Variants in PCGF6 observed in about 807,000 individuals in gnomAD.
PCGF6 encodes the protein polycomb group ring finger 6, also known as polycomb group RING finger protein 6.
Under a neutral mutation model 45.5 loss-of-function variants are expected in PCGF6, and 24 were observed. The ratio of observed to expected loss-of-function variants is 0.53; its 90% confidence interval spans 0.38 to 0.74. The LOEUF (loss-of-function observed/expected upper bound fraction) is 0.74, where lower values mean the gene tolerates loss of function less well. PCGF6 is among the 30% of genes least tolerant of loss of function. The pLI, the probability that PCGF6 is intolerant of heterozygous loss-of-function variation, is 0.00. For synonymous variants in PCGF6, 152 were observed against 162.1 expected (o/e 0.94, Z 0.47); for missense variants, 356 against 443.2 (o/e 0.80, Z 1.77).
rs574907468 is a variant in PCGF6 at position 103,346,392 on chromosome 10, G to A, written c.673+846C>T. Among the ~76,000 whole-genome samples, 4 of 152,080 alleles carry A rather than the reference G, an allele frequency of 2.6e-5. No homozygotes were observed. The South Asian group carries it at 6.2e-4, about 24-fold the overall frequency. ...TGTAATCCCAGCACTTTGGGAGGCC[G>A]AGGAGGGCAGATCACGAGGTCAAGA... On this transcript the variant is annotated intron_variant, in intron 5 of 9. Transcript: ENST00000369847.
At chr10:103,318,586 T>C (rs888198905) in intron 8 of PCGF6, among the ~76,000 whole-genome samples, 1 of 148,592 alleles carries the variant, frequency 6.7e-6, no homozygotes, top group Admixed American at 6.7e-5. Context: ...CTACCAAAAA[T>C]ACAAAAAAAT....
At chr10:103,304,671 T>TG (rs1444098023) in intron 9 of PCGF6, among the ~76,000 whole-genome samples, 1 of 150,690 alleles carries the variant, frequency 6.6e-6, no homozygotes, top group Non-Finnish European at 1.5e-5. Flanking sequence ...TTTTTTTTTT[T>TG]TGAAGACAGG....
chr10:103,310,133 G>T (rs1791126879), intron 9 of PCGF6, among the ~76,000 whole-genome samples: 1 of 151,698 alleles, frequency 6.6e-6, no homozygotes, highest in Admixed American at 6.6e-5. Context: ...TGTATTTTTA[G>T]TAGAGATGGG....
chr10:103,349,484 T>TG lies in PCGF6; in HGVS notation c.361-486_361-485insC, dbSNP rs1201167277. Among the ~76,000 whole-genome samples the TG allele has an allele frequency of 7.7e-5, 9 of 117,626 alleles. No homozygotes were observed. The East Asian group carries it at 2.5e-3, about 33-fold the overall frequency. 77.2% of individuals were successfully genotyped at this position (117,626 alleles called of 152,430 possible). On this transcript the variant is annotated intron_variant, in intron 1 of 9. Transcript: ENST00000369847. ...ATTATTGTTTCTTTCTTTCCGTTTT[T>TG]TTTTTTTTTTTTTTGAGAGGGAGTC...
rs1322913071 is a variant in PCGF6, at chr10:103,302,985, G to GT, written c.*919dup. 1.3e-5 allele frequency: 2 copies of GT among 152,584 alleles called. No individual in the cohort carries two copies. The highest frequency in any genetic ancestry group is 1.3e-4 in the Admixed American group (2 of 15,254). 9.5% of individuals were successfully genotyped at this position (152,584 alleles called of 1,614,324 possible). A position where few individuals can be genotyped will look rare whatever the true frequency, so the allele number is the denominator to read the frequency against. On this transcript the variant is annotated 3_prime_UTR_variant, in exon 10 of 10. Transcript: ENST00000369847. ...ACAATGCTAATTTTAGGCAAATAATGTTTTAAAACTGAAGTCTTTGCATGG... is the reference window on the plus strand; with the variant it reads ...ACAATGCTAATTTTAGGCAAATAATGTTTTTAAAACTGAAGTCTTTGCATGG...
intron 6 of PCGF6, among the ~76,000 whole-genome samples, chr10:103,336,895 T>C (rs1443244581): frequency 6.6e-6 from 1 of 152,076 alleles, no homozygotes; most frequent in Non-Finnish European, 1.5e-5. Flanking sequence ...AAAAAATTAC[T>C]TGCTTCCACT....
rs2093309141 is a variant in PCGF6 at position 103,348,822 on chromosome 10, A to T, written c.461-10T>A. The T allele has an allele frequency of 6.2e-7, 1 of 1,606,496 alleles. No homozygotes were observed. Among genetic ancestry groups the T allele is most frequent in the Non-Finnish European group, 8.5e-7 (1 of 1,176,348 alleles). On this transcript the variant is annotated splice_polypyrimidine_tract_variant and intron_variant, in intron 2 of 9. Coordinates refer to ENST00000369847, the MANE Select transcript of PCGF6 (RefSeq NM_001011663.2). ...ATGCAGCTTTTACAAACTGTTGAAAAAGAATGTTGAAGTCAGGATGCTTTC... is the reference window on the plus strand; with the variant it reads ...ATGCAGCTTTTACAAACTGTTGAAATAGAATGTTGAAGTCAGGATGCTTTC...
Position 103,305,667 on chromosome 10 carries a change from A to T in PCGF6, c.997-1706T>A, listed in dbSNP as rs1274475223. Among the ~76,000 whole-genome samples the T allele has an allele frequency of 7.2e-5, 11 of 152,320 alleles. No homozygotes were observed. In the East Asian group the frequency reaches 2.1e-3, roughly 29 times the overall value. ...GATCTGTTCACTTCCACATAAATGC[A>T]GCTCACCACTATAATAATTGCTAAA... is the stretch of plus-strand genomic sequence containing the variant. On this transcript the variant is annotated intron_variant, in intron 9 of 9. Coordinates refer to ENST00000369847, the MANE Select transcript of PCGF6 (RefSeq NM_001011663.2).
chr10:103,321,326 A>C (rs914091998), intron 8 of PCGF6, among the ~76,000 whole-genome samples: 3 of 152,176 alleles, frequency 2.0e-5, no homozygotes, highest in Non-Finnish European at 4.4e-5. Context: ...AAAAGCCTTA[A>C]ATTCTATGAT....
chr10:103,310,729 T>G (rs1429652096), intron 9 of PCGF6, among the ~76,000 whole-genome samples: 3 of 151,858 alleles, frequency 2.0e-5, no homozygotes, highest in African/African-American at 7.3e-5. Flanking sequence ...TGAAAAAGGG[T>G]CTTACTCTGT....
At chr10:103,337,248 T>C (rs1239877890) in intron 6 of PCGF6, among the ~76,000 whole-genome samples, 1 of 152,170 alleles carries the variant, frequency 6.6e-6, no homozygotes, top group African/African-American at 2.4e-5. Context: ...TAAAATGGCA[T>C]TAAATTTTTG....
intron 8 of PCGF6, among the ~76,000 whole-genome samples, chr10:103,326,180 G>A (rs1409464374): frequency 2.6e-5 from 4 of 151,296 alleles, no homozygotes; most frequent in South Asian, 2.1e-4. Context: ...GGCGGATCAC[G>A]AGGTCAGGAG....
At position 103,317,626 on chromosome 10, in the gene PCGF6, C is replaced by T. The variant is rs1025217054; in HGVS notation, c.910-3354G>A. ...TCCACCCCAAGCCTGGGCAACAAAA[C>T]GAAACCTCATCTCAAAATAAATAAA... On this transcript the variant is annotated intron_variant, in intron 8 of 9. Coordinates refer to ENST00000369847, the MANE Select transcript of PCGF6 (RefSeq NM_001011663.2). Among the ~76,000 whole-genome samples, 9 of 151,628 alleles carry T rather than the reference C, an allele frequency of 5.9e-5. No homozygotes were observed. In the South Asian group the frequency reaches 8.3e-4, roughly 14 times the overall value.
intron 6 of PCGF6, 149 bp from the exon 7 acceptor site, chr10:103,334,101 A>G (rs542800528): frequency 5.4e-6 from 3 of 559,270 alleles, no homozygotes; most frequent in Non-Finnish European, 8.6e-6. Flanking sequence ...AACAAATGTA[A>G]TTGTCATTTC....
intron 7 of PCGF6, 42 bp downstream of exon 7, chr10:103,333,881 TAC>T (rs780846963): frequency 3.0e-5 from 44 of 1,484,840 alleles, no homozygotes; most frequent in African/African-American, 1.6e-4. Flanking sequence ...ATTTGTGTGC[TAC>T]AGAGTCCTCT....
rs1286561579 is a variant in PCGF6, at chr10:103,326,646, C to T, written c.811-14G>A. On this transcript the variant is annotated splice_polypyrimidine_tract_variant and intron_variant, in intron 7 of 9. Transcript: ENST00000369847. ...CTTTTCCAATGGCTACAAAAACAGA[C>T]AGATAAAACTATTTTTAGGTTAAAT... The T allele has an allele frequency of 3.8e-6, 6 of 1,594,914 alleles. No homozygotes were observed. The highest frequency in any genetic ancestry group is 4.3e-6 in the Non-Finnish European group (5 of 1,167,874).
intron 6 of PCGF6, among the ~76,000 whole-genome samples, chr10:103,343,832 C>CAAAAAAAAAAAAAAAAAAAAA (rs71019677): frequency 3.1e-5 from 1 of 32,476 alleles, no homozygotes; most frequent in Non-Finnish European, 5.7e-5. Flanking sequence ...AACTCTGTCT[C>CAAAAAAAAAAAAAAAAAAAAA]AAAAAAAAAA....
chr10:103,349,506 A>C (rs1592080845), intron 1 of PCGF6, among the ~76,000 whole-genome samples: 1 of 56,186 alleles, frequency 1.8e-5, no homozygotes, highest in Non-Finnish European at 3.3e-5. Context: ...TTTGAGAGGG[A>C]GTCTGCCTCT....
At chr10:103,347,753 A>C (rs2133601417) in intron 3 of PCGF6, among the ~76,000 whole-genome samples, 1 of 152,270 alleles carries the variant, frequency 6.6e-6, no homozygotes, top group Non-Finnish European at 1.5e-5. Flanking sequence ...CAGTGGCTCA[A>C]TCATGGCTCA....
Sources: gnomAD v4.1 joint callset for allele counts (sites outside exome capture counted in the v4.1 genomes callset) on GRCh38, gnomAD v4.1.1 for gene constraint, MANE v1.5 for transcripts, NCBI Gene and HGNC (gene_info 2026-07-23, HGNC 2026-07-21) for gene names.